Variants in CFAP96 observed in about 807,000 individuals in gnomAD.
CFAP96 encodes the protein cilia-and flagella-associated protein 96.
At chr4:185,445,544 T>C in the CFAP96 span, 3 of 1,531,412 alleles carry the variant, frequency 2.0e-6, no homozygotes, top group Non-Finnish European at 2.7e-6. Context: ...TGAAATAACC[T>C]ATGAAAATAG....
At chr4:185,422,493 G>C in the CFAP96 span, 1 of 1,609,264 alleles carries the variant, frequency 6.2e-7, no homozygotes, top group Non-Finnish European at 8.5e-7. Context: ...ACCATTAGGA[G>C]TAGCTAGCTG....
the CFAP96 span, chr4:185,413,902 A>T: frequency 6.4e-7 from 1 of 1,559,730 alleles, no homozygotes; most frequent in Non-Finnish European, 8.6e-7. Context: ...ACAGAAAAAG[A>T]AAAAATGTTG....
the CFAP96 span, among the ~76,000 whole-genome samples, chr4:185,427,803 C>T: frequency 7.3e-6 from 1 of 137,486 alleles, no homozygotes; most frequent in South Asian, 2.4e-4. Flanking sequence ...AGGTTCTTAC[C>T]AGCCGGGCGC....
the CFAP96 span, among the ~76,000 whole-genome samples, chr4:185,432,719 A>G: frequency 3.3e-5 from 5 of 151,986 alleles, no homozygotes; most frequent in Non-Finnish European, 7.4e-5. Flanking sequence ...AAAATTAGCT[A>G]GGTGTGGTAG....
At chr4:185,445,041 T>C in the CFAP96 span, 1 of 1,551,570 alleles carries the variant, frequency 6.4e-7, no homozygotes, top group African/African-American at 1.4e-5. Context: ...AATTGGCAAA[T>C]ATTTCTGGCA....
chr4:185,434,604 CATAG>C, the CFAP96 span, among the ~76,000 whole-genome samples: 1 of 152,060 alleles, frequency 6.6e-6, no homozygotes, highest in Admixed American at 6.6e-5. Flanking sequence ...TAAAATAATT[CATAG>C]ATATGTGAAA....
the CFAP96 span, among the ~76,000 whole-genome samples, chr4:185,410,085 A>G: frequency 6.6e-6 from 1 of 152,210 alleles, no homozygotes; most frequent in East Asian, 1.9e-4. Context: ...AATAAATTTC[A>G]GAGTTAGTTT....
At chr4:185,437,356 C>A in the CFAP96 span, among the ~76,000 whole-genome samples, 2 of 152,170 alleles carry the variant, frequency 1.3e-5, no homozygotes, top group Non-Finnish European at 2.9e-5. Flanking sequence ...AATCTTAGAA[C>A]CATATGAACA....
the CFAP96 span, among the ~76,000 whole-genome samples, chr4:185,436,807 C>T: frequency 6.6e-6 from 1 of 151,660 alleles, no homozygotes; most frequent in Non-Finnish European, 1.5e-5. Flanking sequence ...GTGGCAAACT[C>T]ATGTTTATGA....
At chr4:185,447,655 T>A in the CFAP96 span, among the ~76,000 whole-genome samples, 1 of 152,102 alleles carries the variant, frequency 6.6e-6, no homozygotes, top group Non-Finnish European at 1.5e-5. Context: ...AAGCCATGTA[T>A]GCATCTCATT....
the CFAP96 span, among the ~76,000 whole-genome samples, chr4:185,448,640 A>G: frequency 2.6e-5 from 4 of 152,310 alleles, no homozygotes; most frequent in South Asian, 2.1e-4. Flanking sequence ...TGGTAAAGAT[A>G]TGGAGCTTTT....
At chr4:185,445,461 G>A in the CFAP96 span, 6 of 1,388,082 alleles carry the variant, frequency 4.3e-6, no homozygotes, top group African/African-American at 5.8e-5. Flanking sequence ...ATTAACATTG[G>A]CTATTTCTCG....
At chr4:185,428,569 A>G in the CFAP96 span, among the ~76,000 whole-genome samples, 1 of 6,804 alleles carries the variant, frequency 1.5e-4, no homozygotes, top group South Asian at 0.011. Context: ...AAAAAAAAAA[A>G]ACAACAACAA....
chr4:185,433,546 A>AAGTATG, the CFAP96 span, among the ~76,000 whole-genome samples: 1 of 151,994 alleles, frequency 6.6e-6, no homozygotes, highest in African/African-American at 2.4e-5. Context: ...TACTTTGTAT[A>AAGTATG]ACTTATACTT....
At chr4:185,445,219 A>AG in the CFAP96 span, 1 of 1,182,240 alleles carries the variant, frequency 8.5e-7, no homozygotes, top group Non-Finnish European at 1.2e-6. Flanking sequence ...TTATTTATAT[A>AG]TACTTTTTTA....
chr4:185,422,714 A>C, the CFAP96 span: 1 of 659,952 alleles, frequency 1.5e-6, no homozygotes, highest in Admixed American at 3.5e-5. Flanking sequence ...TATAGAAAAA[A>C]CAAAAACAAA....
At chr4:185,436,665 G>A in the CFAP96 span, among the ~76,000 whole-genome samples, 8 of 151,256 alleles carry the variant, frequency 5.3e-5, no homozygotes, top group East Asian at 7.8e-4. Context: ...AGCCAAGGTC[G>A]CGCCACTGCA....
chr4:185,443,344 T>TTTTTTTTTTA, the CFAP96 span, among the ~76,000 whole-genome samples: 4 of 17,150 alleles, frequency 2.3e-4, no homozygotes, highest in African/African-American at 8.1e-4. Flanking sequence ...ATATATATAT[T>TTTTTTTTTTA]TTTTTTTTTT....
the CFAP96 span, among the ~76,000 whole-genome samples, chr4:185,409,193 T>C: frequency 6.6e-6 from 1 of 152,176 alleles, no homozygotes; most frequent in Non-Finnish European, 1.5e-5. Flanking sequence ...ACAGGAAGAA[T>C]GTGTCTAAAT....
Sources: allele counts gnomAD v4.1 joint callset (sites outside exome capture counted in the v4.1 genomes callset), GRCh38; gene constraint gnomAD v4.1.1; transcripts MANE v1.5; gene names NCBI Gene and HGNC (gene_info 2026-07-23, HGNC 2026-07-21).